PPP3CA: variants seen among roughly 807,000 people sequenced by gnomAD.
The protein encoded by PPP3CA is CAM-PRP catalytic subunit.
In PPP3CA, 14 loss-of-function variants were observed where a neutral mutation model predicts 66.5. The ratio of observed to expected loss-of-function variants is 0.21; its 90% confidence interval spans 0.14 to 0.33. PPP3CA has a LOEUF of 0.33. Ranked by LOEUF, PPP3CA falls within the 10% of genes least tolerant of loss-of-function variation. PPP3CA has a pLI of 1.00. For missense variants in PPP3CA, 317 were observed against 639.5 expected, an observed-to-expected ratio of 0.50 and a Z score of 5.44; for synonymous variants, 232 against 226.2, an observed-to-expected ratio of 1.03 and a Z score of -0.23.
At chr4:101,333,446 A>G (rs763308191) in intron 1 of PPP3CA, among the ~76,000 whole-genome samples, 6 of 151,196 alleles carry the variant, frequency 4.0e-5, no homozygotes, top group Non-Finnish European at 7.4e-5. Flanking sequence ...TTTTTTTCTC[A>G]TATTATCAAA....
chr4:101,061,057 A>G (rs747450146), intron 10 of PPP3CA, 30 bp downstream of exon 10: 1 of 1,563,786 alleles, frequency 6.4e-7, no homozygotes, highest in Non-Finnish European at 8.8e-7. Flanking sequence ...TCTGGCAAAT[A>G]GCATTAGCAC....
chr4:101,230,737 A>G (rs1361968001), intron 1 of PPP3CA, among the ~76,000 whole-genome samples: 1 of 151,734 alleles, frequency 6.6e-6, no homozygotes, highest in African/African-American at 2.4e-5. Context: ...TCTAAATTAC[A>G]TATTACTAGA....
At chr4:101,037,998 ACT>A (rs1304403341) in intron 11 of PPP3CA, among the ~76,000 whole-genome samples, 1 of 152,178 alleles carries the variant, frequency 6.6e-6, no homozygotes, top group African/African-American at 2.4e-5. Context: ...GAGTTTGGAC[ACT>A]CTGCTTAGCC....
At chr4:101,259,582 C>T (rs1299851294) in intron 1 of PPP3CA, among the ~76,000 whole-genome samples, 1 of 152,106 alleles carries the variant, frequency 6.6e-6, no homozygotes, top group Non-Finnish European at 1.5e-5. Context: ...GTGTTTCTGG[C>T]ATGACGTAAA....
intron 1 of PPP3CA, among the ~76,000 whole-genome samples, chr4:101,203,556 GA>G (rs1342425709): frequency 1.3e-5 from 2 of 152,054 alleles, no homozygotes; most frequent in African/African-American, 2.4e-5. Context: ...ATTAATTAGA[GA>G]AAATAAGTAC....
chr4:101,326,683 T>C (rs1283599938), intron 1 of PPP3CA, among the ~76,000 whole-genome samples: 2 of 152,194 alleles, frequency 1.3e-5, no homozygotes, highest in African/African-American at 4.8e-5. Flanking sequence ...ATCAAAATGT[T>C]TCTTGCATGA....
rs538884434 is a variant in PPP3CA at position 101,170,468 on chromosome 4, C to T, written c.259+25448G>A. Reference sequence around the variant, plus strand: ...GAATTTAAAAAGCAAAAGCAATAAACATTTTGCATGTTACTACAAATAAAT... The same window carrying T: ...GAATTTAAAAAGCAAAAGCAATAAATATTTTGCATGTTACTACAAATAAAT... On this transcript the variant is annotated intron_variant, in intron 2 of 13. Transcript: ENST00000394854. 6.6e-4 allele frequency among the ~76,000 whole-genome samples: 100 copies of T among 151,746 alleles called. 1 individual carries two copies. Among genetic ancestry groups the T allele is most frequent in the Non-Finnish European group, 5.9e-5 (4 of 67,932 alleles).
rs889809201 is a variant in PPP3CA at position 101,025,372 on chromosome 4, T to TATCA, written c.*489_*492dup. 6.6e-6 allele frequency: 1 copy of TATCA among 151,706 alleles called. No individual in the cohort carries two copies. Among genetic ancestry groups the TATCA allele is most frequent in the African/African-American group, 2.4e-5 (1 of 41,164 alleles). The allele number at this position is 151,706 out of a possible 1,614,324, so 9.4% of individuals were successfully genotyped here. On this transcript the variant is annotated 3_prime_UTR_variant, in exon 14 of 14. Coordinates refer to ENST00000394854, the MANE Select transcript of PPP3CA (RefSeq NM_000944.5). The stretch of plus-strand genomic sequence containing the variant: ...TTGTCTGACAAGAGTAGCAAAACAT[T>TATCA]ATCAATAAATAGTCCTTAGTTTGTA...
rs532157697 is a variant in PPP3CA at position 101,133,681 on chromosome 4, T to C, written c.260-24603A>G. Reference sequence around the variant, plus strand: ...TGGCCATACTGCTCAAAGTAATTTATAGATTCAATGCTATTCCCATTAAGC... The same window carrying C: ...TGGCCATACTGCTCAAAGTAATTTACAGATTCAATGCTATTCCCATTAAGC... On this transcript the variant is annotated intron_variant, in intron 2 of 13. Coordinates refer to ENST00000394854, the MANE Select transcript of PPP3CA (RefSeq NM_000944.5). Among the ~76,000 whole-genome samples, 384 of 152,296 alleles carry C rather than the reference T, an allele frequency of 2.5e-3. 3 individuals carry two copies. Among genetic ancestry groups the C allele is most frequent in the African/African-American group, 8.9e-3 (370 of 41,564 alleles).
intron 1 of PPP3CA, among the ~76,000 whole-genome samples, chr4:101,254,435 AT>A (rs1412477281): frequency 6.6e-6 from 1 of 151,924 alleles, no homozygotes; most frequent in African/African-American, 2.4e-5. Context: ...TGCATTTTAA[AT>A]TTTTTTAAAA....
chr4:101,257,514 T>C (rs191693030), intron 1 of PPP3CA, among the ~76,000 whole-genome samples: 16 of 152,114 alleles, frequency 1.1e-4, no homozygotes, highest in South Asian at 1.0e-3. Flanking sequence ...AATATATTAA[T>C]ATATTTAAAG....
At chr4:101,069,167 T>C (rs1263169912) in intron 8 of PPP3CA, among the ~76,000 whole-genome samples, 5 of 152,116 alleles carry the variant, frequency 3.3e-5, no homozygotes, top group African/African-American at 1.2e-4. Flanking sequence ...CCCAAGTAGC[T>C]GGGACTACAG....
At chr4:101,248,659 C>T (rs1262203291) in intron 1 of PPP3CA, among the ~76,000 whole-genome samples, 2 of 152,142 alleles carry the variant, frequency 1.3e-5, no homozygotes, top group African/African-American at 4.8e-5. Context: ...GCTGGATTAC[C>T]TTTTTGCATT....
intron 1 of PPP3CA, among the ~76,000 whole-genome samples, chr4:101,250,784 T>G (rs1726649397): frequency 6.6e-6 from 1 of 152,092 alleles, no homozygotes; most frequent in Non-Finnish European, 1.5e-5. Context: ...TATTAAATTT[T>G]TAATAGGTTT....
chr4:101,256,612 A>C (rs571113259), intron 1 of PPP3CA, among the ~76,000 whole-genome samples: 26 of 152,188 alleles, frequency 1.7e-4, no homozygotes, highest in South Asian at 6.2e-4. Context: ...ATGACTATTA[A>C]GAAGTCTGAT....
intron 1 of PPP3CA, among the ~76,000 whole-genome samples, chr4:101,269,156 A>C (rs1016999534): frequency 6.6e-6 from 1 of 152,132 alleles, no homozygotes; most frequent in Non-Finnish European, 1.5e-5. Context: ...CTCATCGTCT[A>C]TGACAGGCTA....
chr4:101,088,584 C>CAAAAA (rs1174497803), intron 6 of PPP3CA, among the ~76,000 whole-genome samples: 6 of 35,736 alleles, frequency 1.7e-4, no homozygotes, highest in Admixed American at 6.8e-4. Flanking sequence ...GACTCCATCT[C>CAAAAA]AAAAAAAAAA....
intron 5 of PPP3CA, 39 bp downstream of exon 5, chr4:101,098,328 C>T (rs767685807): frequency 1.4e-5 from 22 of 1,548,898 alleles, no homozygotes; most frequent in Middle Eastern, 1.7e-4. Context: ...ATTACTGTAG[C>T]GCACAAAATG....
intron 5 of PPP3CA, 34 bp downstream of exon 5, chr4:101,098,333 A>G: frequency 6.4e-7 from 1 of 1,568,902 alleles, no homozygotes; most frequent in Non-Finnish European, 8.6e-7. Context: ...TGTAGCGCAC[A>G]AAATGATTAG....
Sources: gnomAD v4.1 joint callset for allele counts (sites outside exome capture counted in the v4.1 genomes callset) on GRCh38, gnomAD v4.1.1 for gene constraint, MANE v1.5 for transcripts, NCBI Gene and HGNC (gene_info 2026-07-23, HGNC 2026-07-21) for gene names.